DPY19L1: variants seen among roughly 807,000 people sequenced by gnomAD.
The protein encoded by DPY19L1 is protein C-mannosyl-transferase DPY19L1.
A neutral mutation model predicts 96.9 loss-of-function variants in DPY19L1; 35 were observed. That is an observed-to-expected ratio of 0.36 (90% CI 0.28 to 0.48). The LOEUF (loss-of-function observed/expected upper bound fraction) is 0.48, where lower values mean the gene tolerates loss of function less well. DPY19L1 is among the 20% of genes least tolerant of loss of function. The pLI is 0.99. For synonymous variants in DPY19L1, 205 were observed against 252.6 expected, an observed-to-expected ratio of 0.81 and a Z score of 1.79; for missense variants, 521 against 777.9, an observed-to-expected ratio of 0.67 and a Z score of 3.93.
chr7:34,936,554 C>T lies in DPY19L1; in HGVS notation c.2090+1440G>A, dbSNP rs187013249. 2.0e-5 allele frequency among the ~76,000 whole-genome samples: 3 copies of T among 152,302 alleles called. No homozygotes were observed. In the East Asian group the frequency reaches 5.8e-4, roughly 29 times the overall value. On this transcript the variant is annotated intron_variant, in intron 21 of 21. Transcript: ENST00000638088. Reference sequence around the variant, plus strand: ...GAGTTCTTCCTATTGCAAATGTCAGCCTATCATTCATTTCATATAATTTCC... The same window carrying T: ...GAGTTCTTCCTATTGCAAATGTCAGTCTATCATTCATTTCATATAATTTCC...
chr7:34,947,812 C>T, intron 14 of DPY19L1, 111 bp from the exon 15 acceptor site: 1 of 802,764 alleles, frequency 1.2e-6, no homozygotes. Flanking sequence ...TGAACATTCA[C>T]CAATCTACTC....
chr7:34,998,319 T>A (rs1031940343), intron 6 of DPY19L1, among the ~76,000 whole-genome samples: 3 of 151,466 alleles, frequency 2.0e-5, no homozygotes, highest in African/African-American at 7.3e-5. Context: ...GGGGAGGAGA[T>A]CAGGAACAGA....
intron 1 of DPY19L1, among the ~76,000 whole-genome samples, chr7:35,023,133 A>C (rs1168651088): frequency 6.6e-6 from 1 of 152,086 alleles, no homozygotes; most frequent in Non-Finnish European, 1.5e-5. Context: ...GGACGAAGAC[A>C]CTGAACAAAC....
intron 16 of DPY19L1, 108 bp from the exon 17 acceptor site, chr7:34,942,747 T>C: frequency 2.3e-6 from 2 of 876,548 alleles, no homozygotes; most frequent in Non-Finnish European, 3.6e-6. Context: ...TATAACATTC[T>C]CTCAGGACAC....
intron 1 of DPY19L1, among the ~76,000 whole-genome samples, chr7:35,024,078 C>G (rs1786064937): frequency 6.6e-6 from 1 of 151,948 alleles, no homozygotes; most frequent in South Asian, 2.1e-4. Flanking sequence ...CCTTGTGATC[C>G]CCCCGCCTCA....
chr7:34,955,420 T>C, intron 11 of DPY19L1, 53 bp from the exon 12 acceptor site: 1 of 1,578,304 alleles, frequency 6.3e-7, no homozygotes, highest in Non-Finnish European at 8.6e-7. Context: ...TAGACATAAA[T>C]TCAAGTACCA....
At chr7:34,934,247 C>T (rs1041042354) in intron 21 of DPY19L1, among the ~76,000 whole-genome samples, 1 of 152,014 alleles carries the variant, frequency 6.6e-6, no homozygotes, top group Non-Finnish European at 1.5e-5. Context: ...ACAGGCGTGA[C>T]CCACCGCGCC....
At chr7:34,938,741 A>C (rs1035973373) in intron 20 of DPY19L1, among the ~76,000 whole-genome samples, 22 of 152,196 alleles carry the variant, frequency 1.4e-4, no homozygotes, top group African/African-American at 5.3e-4. Flanking sequence ...AGAAAAATTA[A>C]ATTTTTAAAA....
At chr7:34,947,404 G>A (rs575876388) in intron 15 of DPY19L1, among the ~76,000 whole-genome samples, 5 of 152,076 alleles carry the variant, frequency 3.3e-5, no homozygotes, top group Non-Finnish European at 5.9e-5. Flanking sequence ...CATGACTATC[G>A]GAACTTGAGC....
intron 16 of DPY19L1, among the ~76,000 whole-genome samples, chr7:34,945,135 T>C (rs569893947): frequency 1.3e-5 from 2 of 152,200 alleles, no homozygotes; most frequent in East Asian, 3.9e-4. Context: ...GGGTGACAAA[T>C]GGTAAGAGAG....
At chr7:34,970,622 A>C (rs1219595111) in intron 8 of DPY19L1, among the ~76,000 whole-genome samples, 2 of 152,200 alleles carry the variant, frequency 1.3e-5, no homozygotes, top group African/African-American at 4.8e-5. Context: ...TATCTAAAAT[A>C]AAGCATTTCT....
At chr7:34,992,550 T>C in intron 6 of DPY19L1, among the ~76,000 whole-genome samples, 1 of 151,386 alleles carries the variant, frequency 6.6e-6, no homozygotes, top group Admixed American at 6.6e-5. Flanking sequence ...TGCCTTTTTT[T>C]TTTTTTTTTT....
chr7:34,939,348 G>T lies in DPY19L1; in HGVS notation c.1892C>A (p.Thr631Lys). The T allele has an allele frequency of 6.2e-7, 1 of 1,613,942 alleles. No individual in the cohort carries two copies. Among genetic ancestry groups the T allele is most frequent in the East Asian group, 2.2e-5 (1 of 44,864 alleles). ...PDAVFAGAMP[T>K]MASVKLSALR... ...TGCAGAGAGCTTAACACTTGCCATC[G>T]TGGGCATGGCACCCGCAAACACTGC... Residue 631 changes from threonine (T) to lysine (K), a missense_variant, in exon 20 of 22, where the codon ACG becomes AAG. Transcript: ENST00000638088.
At chr7:34,975,712 T>C (rs1252923876) in intron 7 of DPY19L1, among the ~76,000 whole-genome samples, 2 of 152,210 alleles carry the variant, frequency 1.3e-5, no homozygotes, top group African/African-American at 2.4e-5. Flanking sequence ...ACTCTCTTGT[T>C]AGACCTAATG....
intron 7 of DPY19L1, among the ~76,000 whole-genome samples, chr7:34,978,177 G>A (rs867746351): frequency 6.6e-6 from 1 of 152,044 alleles, no homozygotes; most frequent in Non-Finnish European, 1.5e-5. Flanking sequence ...ATTGACTAGT[G>A]AGTTATAAAT....
intron 3 of DPY19L1, among the ~76,000 whole-genome samples, chr7:35,014,460 G>C (rs1180785536): frequency 6.6e-6 from 1 of 152,032 alleles, no homozygotes; most frequent in African/African-American, 2.4e-5. Context: ...TATGAGGGAA[G>C]ACAGAAACAC....
At chr7:34,970,586 T>A (rs1292948536) in intron 8 of DPY19L1, among the ~76,000 whole-genome samples, 1 of 152,184 alleles carries the variant, frequency 6.6e-6, no homozygotes, top group East Asian at 1.9e-4. Flanking sequence ...TTCTCATAGA[T>A]CATAGTCCAA....
intron 7 of DPY19L1, among the ~76,000 whole-genome samples, chr7:34,978,489 T>C (rs1784874510): frequency 6.6e-6 from 1 of 152,178 alleles, no homozygotes; most frequent in African/African-American, 2.4e-5. Flanking sequence ...AATCCTGCTG[T>C]CCACATAGTA....
chr7:34,954,323 A>G (rs1227553497), intron 13 of DPY19L1, among the ~76,000 whole-genome samples: 1 of 152,120 alleles, frequency 6.6e-6, no homozygotes, highest in East Asian at 1.9e-4. Context: ...AAAACTGGAG[A>G]GAAAAAAGAA....
Sources: allele counts gnomAD v4.1 joint callset (sites outside exome capture counted in the v4.1 genomes callset), GRCh38; gene constraint gnomAD v4.1.1; transcripts MANE v1.5; gene names NCBI Gene and HGNC (gene_info 2026-07-23, HGNC 2026-07-21).